Variants in PTPN4 observed in about 807,000 individuals in gnomAD.
PTPN4 encodes the protein tyrosine-protein phosphatase non-receptor type 4.
PTPN4 carries 49 observed loss-of-function variants against 135.5 expected under a neutral mutation model. The ratio of observed to expected loss-of-function variants is 0.36; its 90% CI spans 0.29 to 0.46. The LOEUF is 0.46. Among genes scored for constraint, PTPN4 ranks in the 20% least tolerant of loss-of-function variants. The pLI, the probability that PTPN4 is intolerant of heterozygous loss-of-function variation, is 1.00. For missense variants in PTPN4, 860 were observed against 1,101.0 expected (o/e 0.78, Z 3.10); for synonymous variants, 333 against 369.9 (o/e 0.90, Z 1.14).
chr2:119,778,007 C>G (rs1690869059), intron 1 of PTPN4, among the ~76,000 whole-genome samples: 1 of 145,736 alleles, frequency 6.9e-6, no homozygotes, highest in South Asian at 2.2e-4. Context: ...GACCGGCATT[C>G]TTTTTTTTTT....
chr2:119,952,591 G>T (rs1679225967), intron 19 of PTPN4, among the ~76,000 whole-genome samples: 1 of 152,138 alleles, frequency 6.6e-6, no homozygotes, highest in East Asian at 1.9e-4. Flanking sequence ...CTAGTTGAAT[G>T]AATGAGTAAA....
At chr2:119,780,186 T>C (rs1012666562) in intron 1 of PTPN4, among the ~76,000 whole-genome samples, 2 of 152,238 alleles carry the variant, frequency 1.3e-5, no homozygotes. Flanking sequence ...GCTTTCTTGC[T>C]CTCTCTTTAT....
intron 1 of PTPN4, among the ~76,000 whole-genome samples, chr2:119,796,860 TTGTGTGTGTG>T (rs112883330): frequency 0.025 from 3,668 of 147,614 alleles, 153 homozygotes; most frequent in African/African-American, 0.086. Context: ...GTCACTGTTT[TTGTGTGTGTG>T]TGTGTGTGTG....
intron 22 of PTPN4, among the ~76,000 whole-genome samples, chr2:119,958,178 A>C (rs1336329077): frequency 1.3e-5 from 2 of 151,946 alleles, no homozygotes; most frequent in Non-Finnish European, 2.9e-5. Context: ...AAAAATATAA[A>C]AATATAAAAA....
intron 2 of PTPN4, among the ~76,000 whole-genome samples, chr2:119,849,495 T>G (rs1677558924): frequency 6.6e-6 from 1 of 152,044 alleles, no homozygotes; most frequent in Non-Finnish European, 1.5e-5. Flanking sequence ...AGAGATGGGG[T>G]TTCACCTTGT....
intron 2 of PTPN4, among the ~76,000 whole-genome samples, chr2:119,811,609 C>T (rs1676877676): frequency 6.6e-6 from 1 of 152,058 alleles, no homozygotes; most frequent in African/African-American, 2.4e-5. Flanking sequence ...GAAAATAAGC[C>T]TTTTTTCCTA....
intron 1 of PTPN4, among the ~76,000 whole-genome samples, chr2:119,762,802 G>A (rs972214998): frequency 6.6e-6 from 1 of 152,128 alleles, no homozygotes; most frequent in Non-Finnish European, 1.5e-5. Flanking sequence ...GTTATTGGTA[G>A]AAGTTTACTA....
chr2:119,765,933 T>TGTGTGTGC (rs1553430617), intron 1 of PTPN4, among the ~76,000 whole-genome samples: 2,490 of 151,134 alleles, frequency 0.016, 37 homozygotes, highest in Non-Finnish European at 0.026. Context: ...TGTGTGTGTG[T>TGTGTGTGC]GCGCGCGCGC....
chr2:119,965,529 G>C lies in PTPN4; in HGVS notation c.2442G>C (p.Gln814His). 1 of 1,613,530 alleles carries C rather than the reference G, an allele frequency of 6.2e-7. No individual in the cohort carries two copies. The highest frequency in any genetic ancestry group is 8.5e-7 in the Non-Finnish European group (1 of 1,179,592). ...AAAGTCGTCCACTCACTCAGATCCA[G>C]TACATAGCCTGGCCTGACCATGGAG... is the stretch of plus-strand genomic sequence containing the variant. ...KNESRPLTQIQYIAWPDHGVP... is the reference protein window; with the variant it reads ...KNESRPLTQIHYIAWPDHGVP... The change falls in exon 25 of 27, where the codon CAG becomes CAC. Residue 814 changes from glutamine to histidine, a missense_variant. Coordinates refer to ENST00000263708, the MANE Select transcript of PTPN4 (RefSeq NM_002830.4).
chr2:119,865,130 T>C (rs1353028133), intron 3 of PTPN4, among the ~76,000 whole-genome samples: 2 of 152,120 alleles, frequency 1.3e-5, no homozygotes, highest in African/African-American at 4.8e-5. Flanking sequence ...CCAAAATGTG[T>C]CCACAGAAAG....
At chr2:119,792,390 G>A (rs1177801897) in intron 1 of PTPN4, among the ~76,000 whole-genome samples, 1 of 152,182 alleles carries the variant, frequency 6.6e-6, no homozygotes, top group African/African-American at 2.4e-5. Flanking sequence ...TGAAGCAAGT[G>A]AGGCAGAGAG....
intron 10 of PTPN4, among the ~76,000 whole-genome samples, chr2:119,908,776 G>T (rs138477105): frequency 3.2e-3 from 488 of 152,262 alleles, no homozygotes; most frequent in Non-Finnish European, 5.9e-3. Flanking sequence ...CAACAGCTAG[G>T]CCTCTTGCAC....
intron 2 of PTPN4, among the ~76,000 whole-genome samples, chr2:119,843,227 T>TC (rs1286150074): frequency 6.7e-6 from 1 of 149,330 alleles, no homozygotes; most frequent in East Asian, 1.9e-4. Context: ...TCTTTTTTTT[T>TC]TTTTTTTTTT....
chr2:119,963,656 G>T (rs1679403852), intron 24 of PTPN4, among the ~76,000 whole-genome samples: 1 of 152,170 alleles, frequency 6.6e-6, no homozygotes, highest in Non-Finnish European at 1.5e-5. Context: ...ATCTGGCATT[G>T]AATAAAGCTA....
chr2:119,878,889 C>G (rs1405589328), intron 5 of PTPN4, among the ~76,000 whole-genome samples: 1 of 151,530 alleles, frequency 6.6e-6, no homozygotes, highest in South Asian at 2.1e-4. Context: ...GTCAGGAGAT[C>G]AAGAACATCC....
At chr2:119,837,949 AC>A (rs1230338250) in intron 2 of PTPN4, among the ~76,000 whole-genome samples, 1 of 152,174 alleles carries the variant, frequency 6.6e-6, no homozygotes, top group East Asian at 1.9e-4. Flanking sequence ...TCACTCGCCC[AC>A]ACACCCCTCG....
intron 2 of PTPN4, among the ~76,000 whole-genome samples, chr2:119,857,157 C>T (rs1405164851): frequency 6.6e-6 from 1 of 150,628 alleles, no homozygotes; most frequent in East Asian, 2.0e-4. Flanking sequence ...GATCTTGGCT[C>T]ACTGCAACCT....
intron 8 of PTPN4, among the ~76,000 whole-genome samples, chr2:119,883,197 CT>C (rs202030583): frequency 6.6e-6 from 1 of 152,144 alleles, no homozygotes; most frequent in East Asian, 1.9e-4. Context: ...TCGGTGAAAA[CT>C]TTGTTTCATA....
intron 10 of PTPN4, among the ~76,000 whole-genome samples, chr2:119,906,587 C>A (rs1574398572): frequency 6.6e-6 from 1 of 152,112 alleles, no homozygotes; most frequent in African/African-American, 2.4e-5. Context: ...TCAGTAGACA[C>A]ATAAAAAGCA....
Sources: allele counts gnomAD v4.1 joint callset (sites outside exome capture counted in the v4.1 genomes callset), GRCh38; gene constraint gnomAD v4.1.1; transcripts MANE v1.5; gene names NCBI Gene and HGNC (gene_info 2026-07-23, HGNC 2026-07-21).